The following MOB2 variants were observed in gnomAD, a reference collection of about 807,000 sequenced individuals.
MOB2 encodes the protein MOB2 Mps One Binder homolog.
A neutral mutation model predicts 27.4 loss-of-function variants in MOB2; 14 were observed. That is an observed-to-expected ratio of 0.51 (90% confidence interval 0.34 to 0.80). MOB2 has a LOEUF of 0.80. MOB2 is among the 30% of genes least tolerant of loss of function. The pLI is 0.01. For synonymous variants in MOB2, 167 were observed against 151.8 expected (o/e 1.10, Z -0.74); for missense variants, 304 against 354.6 (o/e 0.86, Z 1.15).
chr11:1,486,507 T>C lies in MOB2; in HGVS notation c.50A>G (p.Gln17Arg), dbSNP rs1466144935. Residue 17 changes from glutamine to arginine, a missense_variant, in exon 1 of 5, where the codon CAG (glutamine) becomes CGG (arginine). By Grantham distance (43) the Gln-to-Arg change is conservative (BLOSUM62 1). Coordinates refer to ENST00000329957, the MANE Select transcript of MOB2 (RefSeq NM_001172223.3). Reference sequence around the variant, plus strand: ...GCAGCAGAGTCCACTTTGCAGGGACTGGCCGGGCCGGGCTTGGTCTTCAGG... The same window carrying C: ...GCAGCAGAGTCCACTTTGCAGGGACCGGCCGGGCCGGGCTTGGTCTTCAGG... The part of the protein sequence containing the change: ...SLPEDQARPG[Q>R]SLQSGLCCKM... 6.5e-7 allele frequency: 1 copy of C among 1,535,816 alleles called. No individual in the cohort carries two copies. The highest frequency in any genetic ancestry group is 8.7e-7 in the Non-Finnish European group (1 of 1,146,786).
chr11:1,471,475 C>T, intron 3 of MOB2, 56 bp from the exon 4 acceptor site: 1 of 1,569,160 alleles, frequency 6.4e-7, no homozygotes, highest in South Asian at 1.2e-5. Flanking sequence ...CACCCAGCCA[C>T]TGGGTCCCAC....
At chr11:1,479,219 C>T (rs1847883862) in intron 3 of MOB2, among the ~76,000 whole-genome samples, 1 of 152,204 alleles carries the variant, frequency 6.6e-6, no homozygotes. Flanking sequence ...GGAGCAGAGG[C>T]GCTGAGCCAG....
At chr11:1,478,396 G>A (rs1847875304) in intron 3 of MOB2, among the ~76,000 whole-genome samples, 1 of 152,258 alleles carries the variant, frequency 6.6e-6, no homozygotes, top group South Asian at 2.1e-4. Context: ...GGCTGTGAGG[G>A]CTCTTGGTTT....
rs1847904851 is a variant in MOB2, at chr11:1,480,866, T to C, written c.130A>G (p.Asn44Asp). ...KVLRKSKAKP[N>D]GKKPAAEERK... ...TCCTCCGCAGCGGGCTTCTTGCCAT[T>C]AGGCTTGGCTTTGGACTTCCTGCCA... Residue 44 changes from asparagine to aspartate, a missense_variant, in exon 2 of 5, where the codon AAT (asparagine) becomes GAT (aspartate). Asn to Asp is a conservative substitution (Grantham distance 23). Coordinates refer to ENST00000329957, the MANE Select transcript of MOB2 (RefSeq NM_001172223.3). The C allele has an allele frequency of 6.4e-7, 1 of 1,561,282 alleles. No homozygotes were observed. The highest frequency in any genetic ancestry group is 8.7e-7 in the Non-Finnish European group (1 of 1,153,094).
intron 1 of MOB2, among the ~76,000 whole-genome samples, chr11:1,483,255 C>T (rs114166614): frequency 0.018 from 2,679 of 152,254 alleles, 77 homozygotes; most frequent in African/African-American, 0.057. Context: ...CTAGGAGCCC[C>T]GGGGCACAGA....
chr11:1,479,353 C>T (rs1043664380), intron 3 of MOB2, among the ~76,000 whole-genome samples: 4 of 152,256 alleles, frequency 2.6e-5, no homozygotes, highest in Non-Finnish European at 5.9e-5. Flanking sequence ...CGCCGTCTCA[C>T]ATTGAGCTTG....
Position 1,470,268 on chromosome 11 carries a change from C to T in MOB2, c.711G>A (p.Val237=). The change falls in exon 5 of 5, where the codon GTG becomes GTA. Residue 237 remains valine (V), a synonymous_variant. Coordinates refer to ENST00000329957, the MANE Select transcript of MOB2 (RefSeq NM_001172223.3). ...GGACCCCGCCGGCCCCGCTGCATAGCACCTCGGTGAGGTCGTCCATGATGG... is the reference window on the plus strand; with the variant it reads ...GGACCCCGCCGGCCCCGCTGCATAGTACCTCGGTGAGGTCGTCCATGATGG... The part of the protein sequence containing the change: ...ETAIMDDLTE[V]LCSGAGGVHS... The T allele has an allele frequency of 6.2e-7, 1 of 1,613,008 alleles. No individual in the cohort carries two copies.
chr11:1,483,101 C>T (rs564753366), intron 1 of MOB2, among the ~76,000 whole-genome samples: 1 of 152,252 alleles, frequency 6.6e-6, no homozygotes, highest in Non-Finnish European at 1.5e-5. Flanking sequence ...CGGCGCCCCC[C>T]GCAGGCTCAC....
chr11:1,477,724 G>A (rs376233810), intron 3 of MOB2, among the ~76,000 whole-genome samples: 4 of 152,114 alleles, frequency 2.6e-5, no homozygotes, highest in South Asian at 4.1e-4. Flanking sequence ...TTCCAGAACC[G>A]CAAGAAATAA....
intron 1 of MOB2, among the ~76,000 whole-genome samples, chr11:1,482,466 C>T (rs1411811432): frequency 2.0e-5 from 3 of 152,236 alleles, no homozygotes; most frequent in African/African-American, 7.2e-5. Context: ...CCTGGCTTCC[C>T]TCTCCCAGGC....
intron 3 of MOB2, among the ~76,000 whole-genome samples, 148 bp downstream of exon 3, chr11:1,480,233 TTTCCACAGGAAG>T (rs1325056624): frequency 6.6e-6 from 1 of 152,216 alleles, no homozygotes; most frequent in African/African-American, 2.4e-5. Flanking sequence ...GCCTGTGGCC[TTTCCACAGGAAG>T]GTGGATGTTG....
intron 3 of MOB2, 158 bp from the exon 4 acceptor site, chr11:1,471,577 A>T: frequency 1.2e-6 from 1 of 801,778 alleles, no homozygotes. Flanking sequence ...CACTGTCCCC[A>T]CACACTGTCT....
chr11:1,474,079 G>A (rs903554366), intron 3 of MOB2, among the ~76,000 whole-genome samples: 1 of 152,236 alleles, frequency 6.6e-6, no homozygotes, highest in African/African-American at 2.4e-5. Flanking sequence ...AGTCCCAGGT[G>A]GCCACATCCT....
At chr11:1,485,835 C>A (rs1316015601) in intron 1 of MOB2, among the ~76,000 whole-genome samples, 1 of 152,248 alleles carries the variant, frequency 6.6e-6, no homozygotes, top group East Asian at 1.9e-4. Flanking sequence ...GGGAGGCACC[C>A]CCGCAGCAGG....
At chr11:1,486,006 C>A (rs1356825442) in intron 1 of MOB2, among the ~76,000 whole-genome samples, 2 of 152,246 alleles carry the variant, frequency 1.3e-5, no homozygotes, top group Non-Finnish European at 2.9e-5. Context: ...GTGGCTGAAG[C>A]CCCTGCCCAG....
At chr11:1,471,262 G>A in intron 4 of MOB2, 33 bp downstream of exon 4, 1 of 1,596,380 alleles carries the variant, frequency 6.3e-7, no homozygotes, top group Non-Finnish European at 8.5e-7. Flanking sequence ...GCCCCACTGT[G>A]AGGATGACCG....
At chr11:1,473,698 A>C (rs1287004499) in intron 3 of MOB2, among the ~76,000 whole-genome samples, 6 of 152,250 alleles carry the variant, frequency 3.9e-5, no homozygotes, top group African/African-American at 1.4e-4. Context: ...GAAAGATGGA[A>C]CACCACTGTT....
Position 1,480,920 on chromosome 11 carries a change from C to G in MOB2, c.111-35G>C, listed in dbSNP as rs755390294. On this transcript the variant is annotated intron_variant, in intron 1 of 4. Coordinates refer to ENST00000329957, the MANE Select transcript of MOB2 (RefSeq NM_001172223.3). ...GAGGAGACGCGGTGTGGTCACTACA[C>G]GCCCATCAGACCCAGGGTCTGCCCG... 6 of 1,547,918 alleles carry G rather than the reference C, an allele frequency of 3.9e-6. No individual in the cohort carries two copies. The African/African-American group carries it at 5.5e-5, about 14-fold the overall frequency.
At chr11:1,478,664 C>A (rs1267127605) in intron 3 of MOB2, among the ~76,000 whole-genome samples, 5 of 152,162 alleles carry the variant, frequency 3.3e-5, no homozygotes, top group African/African-American at 1.2e-4. Context: ...TGTCTGTGAG[C>A]CTTATTTGGG....
Sources: gnomAD v4.1 joint callset for allele counts (sites outside exome capture counted in the v4.1 genomes callset) on GRCh38, gnomAD v4.1.1 for gene constraint, MANE v1.5 for transcripts, NCBI Gene and HGNC (gene_info 2026-07-23, HGNC 2026-07-21) for gene names.